Variants in NTM observed in about 807,000 individuals in gnomAD.
NTM encodes neurotrimin.
A neutral mutation model predicts 42.1 loss-of-function variants in NTM; 13 were observed. The ratio of observed to expected loss-of-function variants is 0.31; its 90% CI spans 0.20 to 0.49. NTM has a LOEUF of 0.49. Among genes scored for constraint, NTM ranks in the 20% least tolerant of loss-of-function variants. NTM has a pLI of 0.99. For missense variants in NTM, 373 were observed against 452.8 expected (o/e 0.82, Z 1.60); for synonymous variants, 187 against 179.2 (o/e 1.04, Z -0.35).
rs529496667 is a variant in NTM, at chr11:131,831,927, T to G, written c.83-79637T>G. On this transcript the variant is annotated intron_variant, in intron 1 of 8. Coordinates refer to ENST00000683400, the MANE Select transcript of NTM (RefSeq NM_001352005.2). ...ATTAATTCTCCCAACATTAATTTAT[T>G]CCTATGTAATTATATATATAATATA... Among the ~76,000 whole-genome samples, 53 of 148,170 alleles carry G rather than the reference T, an allele frequency of 3.6e-4. 1 individual carries two copies. Among genetic ancestry groups the G allele is most frequent in the African/African-American group, 9.8e-4 (40 of 40,900 alleles).
Position 132,250,236 on chromosome 11 carries a change from T to A in NTM, c.526+38089T>A, listed in dbSNP as rs901580743. Reference sequence around the variant, plus strand: ...GCTGTTGAGAAGTCAGCTGTCAATCTTATTTTTATTTCCATGAACGTTTTC... The same window carrying A: ...GCTGTTGAGAAGTCAGCTGTCAATCATATTTTTATTTCCATGAACGTTTTC... On this transcript the variant is annotated intron_variant, in intron 4 of 8. Coordinates refer to ENST00000683400, the MANE Select transcript of NTM (RefSeq NM_001352005.2). Among the ~76,000 whole-genome samples, 7 of 152,238 alleles carry A rather than the reference T, an allele frequency of 4.6e-5. 1 individual carries two copies. The highest frequency in any genetic ancestry group is 1.7e-4 in the African/African-American group (7 of 41,466).
intron 4 of NTM, among the ~76,000 whole-genome samples, chr11:132,268,656 TCCTC>T (rs1193156238): frequency 4.4e-5 from 3 of 68,082 alleles, no homozygotes; most frequent in Admixed American, 1.5e-4. Flanking sequence ...TGGTGTGGGG[TCCTC>T]TCTCTCTCTC....
At chr11:132,015,266 C>A (rs1189956701) in intron 2 of NTM, among the ~76,000 whole-genome samples, 1 of 151,952 alleles carries the variant, frequency 6.6e-6, no homozygotes, top group East Asian at 1.9e-4. Context: ...TGATTTTATG[C>A]CAATACCATG....
intron 1 of NTM, among the ~76,000 whole-genome samples, chr11:131,735,084 A>C (rs1215108610): frequency 6.6e-6 from 1 of 152,226 alleles, no homozygotes; most frequent in Non-Finnish European, 1.5e-5. Context: ...CAGAGGTGCT[A>C]GATTGTATAA....
At chr11:131,563,579 CTTTTTTTTTTTT>C (rs71911433) in intron 1 of NTM, among the ~76,000 whole-genome samples, 4 of 88,784 alleles carry the variant, frequency 4.5e-5, no homozygotes, top group African/African-American at 1.4e-4. Flanking sequence ...GCTCCAGACA[CTTTTTTTTTTTT>C]TTTTTTTTTT....
intron 1 of NTM, among the ~76,000 whole-genome samples, chr11:131,799,890 T>C (rs768284917): frequency 2.0e-4 from 30 of 152,152 alleles, no homozygotes; most frequent in Admixed American, 7.2e-4. Flanking sequence ...TTAGTTTGTA[T>C]CCTAGTCCAC....
rs150282274 is a variant in NTM, at chr11:131,828,314, G to A, written c.83-83250G>A. 1.1e-3 allele frequency among the ~76,000 whole-genome samples: 164 copies of A among 151,592 alleles called. 2 individuals carry two copies. The East Asian group carries it at 0.027, about 25-fold the overall frequency. Reference sequence around the variant, plus strand: ...CACTATTAACACCAGTATCACCACCGCCTTCACCATTATTGCCAAAATTGT... The same window carrying A: ...CACTATTAACACCAGTATCACCACCACCTTCACCATTATTGCCAAAATTGT... On this transcript the variant is annotated intron_variant, in intron 1 of 8. Transcript: ENST00000683400.
chr11:132,163,342 C>T (rs1010405361), intron 3 of NTM, among the ~76,000 whole-genome samples: 2 of 152,296 alleles, frequency 1.3e-5, no homozygotes, highest in East Asian at 1.9e-4. Flanking sequence ...TATAGCTTCT[C>T]ATGTCGTCGA....
At chr11:131,967,999 C>T (rs1211771619) in intron 2 of NTM, among the ~76,000 whole-genome samples, 2 of 152,098 alleles carry the variant, frequency 1.3e-5, no homozygotes, top group Admixed American at 1.3e-4. Context: ...GCCATTATAC[C>T]AACCGTATAT....
At chr11:131,743,467 A>C (rs1191113555) in intron 1 of NTM, among the ~76,000 whole-genome samples, 1 of 152,210 alleles carries the variant, frequency 6.6e-6, no homozygotes, top group East Asian at 1.9e-4. Flanking sequence ...AACCAAATAA[A>C]TTATACCACT....
intron 1 of NTM, among the ~76,000 whole-genome samples, chr11:131,610,521 A>G (rs1047468078): frequency 2.6e-5 from 4 of 152,236 alleles, no homozygotes; most frequent in African/African-American, 9.6e-5. Flanking sequence ...ACTGTTGTTC[A>G]GAAAGCTCTG....
chr11:132,321,158 T>A (rs932771975), intron 7 of NTM, among the ~76,000 whole-genome samples: 3 of 152,138 alleles, frequency 2.0e-5, no homozygotes, highest in Non-Finnish European at 4.4e-5. Flanking sequence ...CACCAGCAAC[T>A]GAACAAAGCT....
At chr11:131,766,800 C>T (rs1255929040) in intron 1 of NTM, among the ~76,000 whole-genome samples, 1 of 152,152 alleles carries the variant, frequency 6.6e-6, no homozygotes, top group Non-Finnish European at 1.5e-5. Flanking sequence ...CAATCAGATT[C>T]TCTTCATTCT....
intron 1 of NTM, among the ~76,000 whole-genome samples, chr11:131,489,324 G>A (rs1330621308): frequency 1.3e-5 from 2 of 152,036 alleles, no homozygotes; most frequent in Non-Finnish European, 1.5e-5. Context: ...TTTTCACTTT[G>A]AACTTCCTTA....
intron 7 of NTM, among the ~76,000 whole-genome samples, chr11:132,328,089 CAGGACACAACACACACT>C (rs2095720697): frequency 6.9e-6 from 1 of 144,024 alleles, no homozygotes; most frequent in African/African-American, 3.0e-5. Context: ...CTTCTGGAAG[CAGGACACAACACACACT>C]GGACAGAAGC....
intron 1 of NTM, among the ~76,000 whole-genome samples, chr11:131,471,645 T>C (rs1377141565): frequency 6.6e-6 from 1 of 152,172 alleles, no homozygotes; most frequent in Non-Finnish European, 1.5e-5. Flanking sequence ...AAGGTTAAGA[T>C]GAGTTCTCAT....
intron 1 of NTM, among the ~76,000 whole-genome samples, chr11:131,577,265 ATCCTCTGAGC>A (rs1206332772): frequency 6.6e-6 from 1 of 152,124 alleles, no homozygotes; most frequent in Non-Finnish European, 1.5e-5. Flanking sequence ...TGGGGAAAAC[ATCCTCTGAGC>A]AGATAGCTTG....
At chr11:131,835,709 T>C (rs2043401014) in intron 1 of NTM, among the ~76,000 whole-genome samples, 1 of 152,174 alleles carries the variant, frequency 6.6e-6, no homozygotes, top group African/African-American at 2.4e-5. Context: ...TCATTGTTCC[T>C]CTCAGCATAG....
chr11:131,679,927 T>G (rs1345689355), intron 1 of NTM, among the ~76,000 whole-genome samples: 3 of 152,202 alleles, frequency 2.0e-5, no homozygotes, highest in African/African-American at 7.2e-5. Context: ...AACTCCTTTT[T>G]TGTTTTTAAC....
Sources: gnomAD v4.1 joint callset for allele counts (sites outside exome capture counted in the v4.1 genomes callset) on GRCh38, gnomAD v4.1.1 for gene constraint, MANE v1.5 for transcripts, NCBI Gene and HGNC (gene_info 2026-07-23, HGNC 2026-07-21) for gene names.